PCDH15: variants seen among roughly 807,000 people sequenced by gnomAD.
PCDH15 encodes the protein protocadherin-15.
In PCDH15, 129 loss-of-function variants were observed where a neutral mutation model predicts 178.5. That is an observed-to-expected ratio of 0.72 (90% CI 0.63 to 0.84). The LOEUF is 0.84. Ranked by LOEUF, PCDH15 falls within the 40% of genes least tolerant of loss-of-function variation. The probability of loss-of-function intolerance (pLI) is 0.00; values close to 1 mark genes in which losing one functional copy is unlikely to be tolerated. For missense variants in PCDH15, 2,230 were observed against 2,099.9 expected (o/e 1.06, Z -1.21); for synonymous variants, 800 against 732.0 (o/e 1.09, Z -1.50).
chr10:55,561,076 T>G (rs556076693), intron 2 of PCDH15, among the ~76,000 whole-genome samples: 1 of 151,736 alleles, frequency 6.6e-6, no homozygotes, highest in African/African-American at 2.4e-5. Flanking sequence ...AGAATATATA[T>G]TTTAAAAATA....
intron 3 of PCDH15, among the ~76,000 whole-genome samples, chr10:54,496,345 T>A (rs1156441289): frequency 6.6e-6 from 1 of 152,158 alleles, no homozygotes; most frequent in South Asian, 2.1e-4. Flanking sequence ...CACCACTCTT[T>A]CCTTCTTGCT....
intron 2 of PCDH15, among the ~76,000 whole-genome samples, chr10:54,596,082 C>T (rs1487876692): frequency 6.6e-6 from 1 of 152,000 alleles, no homozygotes; most frequent in Non-Finnish European, 1.5e-5. Flanking sequence ...AACCTAACCA[C>T]CAATATTCAA....
chr10:53,959,676 C>T (rs1345649120), intron 23 of PCDH15, 56 bp downstream of exon 23: 2 of 1,363,298 alleles, frequency 1.5e-6, no homozygotes, highest in Non-Finnish European at 2.1e-6. Context: ...TGAGAGACTC[C>T]TTTCAAAAAT....
chr10:54,100,364 C>CAA (rs5785037), intron 15 of PCDH15, among the ~76,000 whole-genome samples: 1 of 128,536 alleles, frequency 7.8e-6, no homozygotes, highest in Non-Finnish European at 1.7e-5. Flanking sequence ...GACTCCGTCT[C>CAA]AAAAAAAAAA....
At chr10:54,403,501 A>G (rs1952205535) in intron 3 of PCDH15, among the ~76,000 whole-genome samples, 1 of 152,070 alleles carries the variant, frequency 6.6e-6, no homozygotes, top group Admixed American at 6.6e-5. Context: ...TGAATTGGCA[A>G]AAGCTGGAGT....
At chr10:54,038,170 G>C in intron 18 of PCDH15, among the ~76,000 whole-genome samples, 1 of 151,926 alleles carries the variant, frequency 6.6e-6, no homozygotes, top group South Asian at 2.1e-4. Context: ...ATTCTTCTGA[G>C]ATATCATAAA....
chr10:54,813,677 G>A (rs1368751050), intron 3 of PCDH15, among the ~76,000 whole-genome samples: 2 of 152,076 alleles, frequency 1.3e-5, no homozygotes, highest in Non-Finnish European at 2.9e-5. Flanking sequence ...TGTTCTTCAA[G>A]ACTACAGCAA....
At chr10:53,911,845 AC>A (rs2083115440) in intron 25 of PCDH15, among the ~76,000 whole-genome samples, 1 of 152,230 alleles carries the variant, frequency 6.6e-6, no homozygotes, top group African/African-American at 2.4e-5. Flanking sequence ...AGACAGATTC[AC>A]AGCCAAATTC....
At chr10:55,259,902 C>CAAAAA (rs749939571) in intron 1 of PCDH15, among the ~76,000 whole-genome samples, 6 of 52,008 alleles carry the variant, frequency 1.2e-4, no homozygotes, top group Admixed American at 2.3e-4. Flanking sequence ...AACTCCGTCT[C>CAAAAA]AAAAAAAAAA....
chr10:54,315,517 G>A (rs1295195589), intron 8 of PCDH15, among the ~76,000 whole-genome samples: 1 of 152,174 alleles, frequency 6.6e-6, no homozygotes, highest in African/African-American at 2.4e-5. Flanking sequence ...AAGCTGTGCA[G>A]AAGCTCTTAA....
chr10:54,852,900 G>C (rs1953650208), intron 3 of PCDH15, among the ~76,000 whole-genome samples: 1 of 129,134 alleles, frequency 7.7e-6, no homozygotes, highest in African/African-American at 3.0e-5. Context: ...TAAAATAAAA[G>C]TTTATTTTAT....
intron 2 of PCDH15, among the ~76,000 whole-genome samples, chr10:55,415,840 T>A (rs752613093): frequency 1.5e-4 from 23 of 151,726 alleles, no homozygotes; most frequent in Non-Finnish European, 2.8e-4. Flanking sequence ...ATCTGCTAAT[T>A]TAATGAGTTG....
At chr10:54,376,143 C>T (rs958609959) in intron 4 of PCDH15, among the ~76,000 whole-genome samples, 3 of 151,496 alleles carry the variant, frequency 2.0e-5, no homozygotes, top group African/African-American at 2.4e-5. Context: ...GATTAACTGG[C>T]CTTGGCCTCC....
At chr10:54,607,468 A>T (rs1175620414) in intron 2 of PCDH15, among the ~76,000 whole-genome samples, 1 of 151,906 alleles carries the variant, frequency 6.6e-6, no homozygotes, top group Non-Finnish European at 1.5e-5. Flanking sequence ...TAGAGAGAAG[A>T]GAAGGAAAGG....
intron 29 of PCDH15, among the ~76,000 whole-genome samples, chr10:53,836,558 A>G (rs1589016353): frequency 6.6e-6 from 1 of 152,334 alleles, no homozygotes; most frequent in East Asian, 1.9e-4. Context: ...TTCCACCAAT[A>G]AAAGAATTTT....
At chr10:55,153,093 T>G (rs1838782950) in intron 2 of PCDH15, among the ~76,000 whole-genome samples, 1 of 152,148 alleles carries the variant, frequency 6.6e-6, no homozygotes, top group Non-Finnish European at 1.5e-5. Flanking sequence ...TACTTTACTT[T>G]GAAAGGTGTC....
At chr10:55,596,434 T>G (rs1435837662) in intron 2 of PCDH15, among the ~76,000 whole-genome samples, 1 of 152,096 alleles carries the variant, frequency 6.6e-6, no homozygotes, top group African/African-American at 2.4e-5. Flanking sequence ...TGAGTAAAGT[T>G]TCAACTCTGC....
intron 15 of PCDH15, among the ~76,000 whole-genome samples, chr10:54,100,717 C>T (rs867373835): frequency 6.6e-6 from 1 of 152,138 alleles, no homozygotes; most frequent in Non-Finnish European, 1.5e-5. Flanking sequence ...GAGACTACAA[C>T]TCTGTTATCA....
chr10:54,540,965 A>G (rs1037492830), intron 2 of PCDH15, among the ~76,000 whole-genome samples: 2 of 152,292 alleles, frequency 1.3e-5, no homozygotes, highest in South Asian at 4.1e-4. Flanking sequence ...ACATCTCTTC[A>G]TGATAAAAAT....
Sources: gnomAD v4.1 joint callset for allele counts (sites outside exome capture counted in the v4.1 genomes callset) on GRCh38, gnomAD v4.1.1 for gene constraint, MANE v1.5 for transcripts, NCBI Gene and HGNC (gene_info 2026-07-23, HGNC 2026-07-21) for gene names.